The following SAMD3 variants were observed in gnomAD, a reference collection of about 807,000 sequenced individuals.
SAMD3 encodes the protein sterile alpha motif domain containing 3, also known as sterile alpha motif domain-containing protein 3.
SAMD3 carries 63 observed loss-of-function variants against 58.5 expected under a neutral mutation model. The observed-to-expected ratio is 1.08, with a 90% CI of 0.88 to 1.33. The LOEUF is 1.33. Among genes scored for constraint, SAMD3 ranks in the 40% most tolerant of loss-of-function variants. SAMD3 has a pLI of 0.00. For synonymous variants in SAMD3, 220 were observed against 210.3 expected (o/e 1.05, Z -0.40); for missense variants, 604 against 608.4 (o/e 0.99, Z 0.08).
At chr6:130,307,646 C>T (rs1234329350) in intron 2 of SAMD3, among the ~76,000 whole-genome samples, 1 of 152,120 alleles carries the variant, frequency 6.6e-6, no homozygotes, top group Non-Finnish European at 1.5e-5. Context: ...ATCCTCAGTT[C>T]ATTTTTATAG....
rs532983112 is a variant in SAMD3 at position 130,332,554 on chromosome 6, T to C, written c.-303-19461A>G. On this transcript the variant is annotated intron_variant, in intron 1 of 13. Transcript: ENST00000368134. ...TTTTAGAAGGAGCACTCAAGTATAT[T>C]GAATAACATGCTGACAGCTCATGAA... is the stretch of plus-strand genomic sequence containing the variant. Among the ~76,000 whole-genome samples the C allele has an allele frequency of 5.4e-4, 82 of 152,200 alleles. 3 individuals carry two copies. The South Asian group carries it at 0.017, about 31-fold the overall frequency.
At chr6:130,189,632 C>T (rs1793346979) in intron 5 of SAMD3, among the ~76,000 whole-genome samples, 1 of 152,288 alleles carries the variant, frequency 6.6e-6, no homozygotes, top group East Asian at 1.9e-4. Flanking sequence ...TATTTATTTA[C>T]TTATTTCCAT....
chr6:130,323,522 G>A (rs186690445), intron 1 of SAMD3, among the ~76,000 whole-genome samples: 4 of 151,860 alleles, frequency 2.6e-5, no homozygotes, highest in African/African-American at 9.7e-5. Flanking sequence ...TCCTGTCCAG[G>A]CCAGGCATGG....
At chr6:130,330,650 A>G (rs1776903284) in intron 1 of SAMD3, among the ~76,000 whole-genome samples, 1 of 152,238 alleles carries the variant, frequency 6.6e-6, no homozygotes, top group Admixed American at 6.5e-5. Flanking sequence ...CCTGAGCTAG[A>G]AGAACTAAGA....
intron 5 of SAMD3, among the ~76,000 whole-genome samples, chr6:130,196,222 A>G (rs1239919909): frequency 1.3e-5 from 2 of 152,018 alleles, no homozygotes; most frequent in Non-Finnish European, 2.9e-5. Context: ...AAAATAACAA[A>G]CTATGCTCAA....
intron 1 of SAMD3, among the ~76,000 whole-genome samples, chr6:130,345,536 T>C (rs113314637): frequency 6.6e-6 from 1 of 152,016 alleles, no homozygotes; most frequent in Non-Finnish European, 1.5e-5. Flanking sequence ...GGTAAAATTA[T>C]GGATGAGATT....
At chr6:130,198,117 C>T (rs529035322) in intron 5 of SAMD3, among the ~76,000 whole-genome samples, 128 of 152,274 alleles carry the variant, frequency 8.4e-4, no homozygotes, top group African/African-American at 2.6e-3. Flanking sequence ...CATCTCTCTT[C>T]GCTGACTCTC....
chr6:130,153,480 T>C (rs1022636956), intron 9 of SAMD3, among the ~76,000 whole-genome samples: 7 of 151,890 alleles, frequency 4.6e-5, no homozygotes, highest in Admixed American at 3.3e-4. Flanking sequence ...ATTTGGTTAA[T>C]TGAATACATA....
intron 9 of SAMD3, among the ~76,000 whole-genome samples, chr6:130,154,475 C>T (rs1789551221): frequency 6.6e-6 from 1 of 151,594 alleles, no homozygotes; most frequent in Admixed American, 6.6e-5. Context: ...AGGCAGATCA[C>T]CTGAGGTCAG....
At chr6:130,323,620 T>C (rs954295805) in intron 1 of SAMD3, among the ~76,000 whole-genome samples, 89 of 151,968 alleles carry the variant, frequency 5.9e-4, no homozygotes, top group African/African-American at 2.1e-3. Context: ...CTGGCCAACA[T>C]GGTGAAACAC....
chr6:130,144,808 A>G lies in SAMD3; in HGVS notation c.1279-4T>C. The G allele has an allele frequency of 6.2e-7, 1 of 1,602,644 alleles. No homozygotes were observed. ...ACACAGGTGTGGACACTTGCACCTG[A>G]AAAAAAGAGTGGAGTCATTACCATG... On this transcript the variant is annotated splice_region_variant and splice_polypyrimidine_tract_variant and intron_variant, in intron 11 of 11. Coordinates refer to ENST00000439090, the MANE Select transcript of SAMD3 (RefSeq NM_001017373.4).
chr6:130,325,090 C>A (rs565025870), intron 1 of SAMD3, among the ~76,000 whole-genome samples: 22 of 152,136 alleles, frequency 1.4e-4, no homozygotes, highest in Non-Finnish European at 2.4e-4. Flanking sequence ...AGAGCTCTAT[C>A]GAGCAGGTTT....
intron 5 of SAMD3, among the ~76,000 whole-genome samples, chr6:130,198,922 G>C (rs1366691971): frequency 2.6e-5 from 4 of 152,138 alleles, no homozygotes; most frequent in Non-Finnish European, 5.9e-5. Flanking sequence ...GACCTTTGGA[G>C]TCATAGCTCA....
intron 2 of SAMD3, among the ~76,000 whole-genome samples, chr6:130,216,254 G>A (rs11965136): frequency 0.028 from 4,197 of 151,304 alleles, 71 homozygotes; most frequent in Non-Finnish European, 0.038. Context: ...GAGGGGTGGG[G>A]TGGAGGGGGG....
At chr6:130,222,350 A>G (rs1018880244) in intron 1 of SAMD3, among the ~76,000 whole-genome samples, 1 of 152,238 alleles carries the variant, frequency 6.6e-6, no homozygotes, top group Non-Finnish European at 1.5e-5. Context: ...AATGAATTAC[A>G]GTAATTTATA....
intron 1 of SAMD3, among the ~76,000 whole-genome samples, chr6:130,347,313 A>C (rs1033537418): frequency 1.3e-5 from 2 of 152,210 alleles, no homozygotes; most frequent in African/African-American, 4.8e-5. Flanking sequence ...CATGGCAAAG[A>C]AGGTAAAAAC....
intron 1 of SAMD3, among the ~76,000 whole-genome samples, chr6:130,334,644 A>G (rs561878134): frequency 1.6e-4 from 24 of 152,318 alleles, no homozygotes; most frequent in South Asian, 1.2e-3. Context: ...TTGCCTTCCA[A>G]GGTTGTTGGG....
At chr6:130,189,102 C>CAA (rs1793281456) in intron 5 of SAMD3, among the ~76,000 whole-genome samples, 1 of 74,736 alleles carries the variant, frequency 1.3e-5, no homozygotes, top group African/African-American at 5.0e-5. Flanking sequence ...TTTAAAAAAA[C>CAA]CAAAAAAAAA....
chr6:130,153,523 A>ACCTTTGAT (rs1789408680), intron 9 of SAMD3, among the ~76,000 whole-genome samples: 1 of 151,530 alleles, frequency 6.6e-6, no homozygotes. Context: ...CTCGGGTAAA[A>ACCTTTGAT]CCTTTGATGA....
Sources: gnomAD v4.1 joint callset for allele counts (sites outside exome capture counted in the v4.1 genomes callset) on GRCh38, gnomAD v4.1.1 for gene constraint, MANE v1.5 for transcripts, NCBI Gene and HGNC (gene_info 2026-07-23, HGNC 2026-07-21) for gene names.